MINAR2: variants seen among roughly 807,000 people sequenced by gnomAD.
MINAR2 encodes major intrinsically disordered NOTCH2-binding receptor 1-like.
A neutral mutation model predicts 16.1 loss-of-function variants in MINAR2; 21 were observed. That is an observed-to-expected ratio of 1.31 (90% CI 0.93 to 1.88). The LOEUF is 1.88. Ranked by LOEUF, MINAR2 falls within the 40% of genes most tolerant of loss-of-function variation. MINAR2 has a pLI of 0.00. For synonymous variants in MINAR2, 86 were observed against 83.0 expected (o/e 1.04, Z -0.20); for missense variants, 259 against 229.8 (o/e 1.13, Z -0.82).
chr5:129,748,124 A>T lies in MINAR2; in HGVS notation c.-67A>T. ...CAGTCAGAGCATCCTCAGGCACATT[A>T]ATAATGGAGGAGTCTGACAAGAGCA... On this transcript the variant is annotated 5_prime_UTR_variant, in exon 1 of 3. An upstream open reading frame in the 5' UTR loses its in-frame stop. Transcript: ENST00000564719. 4 of 1,425,314 alleles carry T rather than the reference A, an allele frequency of 2.8e-6. No homozygotes were observed. The highest frequency in any genetic ancestry group is 3.8e-6 in the Non-Finnish European group (4 of 1,059,996). 88.3% of individuals were successfully genotyped at this position (1,425,314 alleles called of 1,614,324 possible). A position where few individuals can be genotyped will look rare whatever the true frequency, so the allele number is the denominator to read the frequency against.
chr5:129,763,287 T>C (rs2149547136), intron 2 of MINAR2, among the ~76,000 whole-genome samples: 1 of 152,246 alleles, frequency 6.6e-6, no homozygotes, highest in South Asian at 2.1e-4. Flanking sequence ...AACCATAACT[T>C]TGGTTTTCAT....
Position 129,748,356 on chromosome 5 carries a change from G to T in MINAR2, c.165+1G>T. On this transcript the variant is annotated splice_donor_variant, in intron 1 of 2. Coordinates refer to ENST00000564719, the MANE Select transcript of MINAR2 (RefSeq NM_001257308.2). LOFTEE classifies it high-confidence loss of function. The stretch of plus-strand genomic sequence containing the variant: ...CTGGCAAAACCTTGTCTACTCACAG[G>T]TAAGATCTAGGGGCACAAAAATACG... 3 of 1,534,626 alleles carry T rather than the reference G, an allele frequency of 2.0e-6. No individual in the cohort carries two copies. Among genetic ancestry groups the T allele is most frequent in the Non-Finnish European group, 2.6e-6 (3 of 1,146,342 alleles).
Position 129,760,444 on chromosome 5 carries a change from G to A in MINAR2, c.232G>A (p.Asp78Asn). Residue 78 changes from aspartate to asparagine, a missense_variant, in exon 2 of 3, where the codon GAT becomes AAT. By Grantham distance (23) the Asp-to-Asn change is conservative. Transcript: ENST00000564719. ...CAGTGCAGACAGCCTTGTCACTGCT[G>A]ATAGCCCCCCACCATCCATGTCATC... The part of the protein sequence containing the change: ...GSSADSLVTA[D>N]SPPPSMSSVM... 1 of 1,535,770 alleles carries A rather than the reference G, an allele frequency of 6.5e-7. No individual in the cohort carries two copies. The highest frequency in any genetic ancestry group is 2.4e-5 in the East Asian group (1 of 40,912).
intron 1 of MINAR2, among the ~76,000 whole-genome samples, chr5:129,755,496 C>T (rs570980563): frequency 2.7e-5 from 4 of 150,718 alleles, no homozygotes; most frequent in African/African-American, 4.9e-5. Context: ...ACTATTGATT[C>T]GACTAGTCAA....
chr5:129,764,192 G>T (rs1758176670), intron 2 of MINAR2, among the ~76,000 whole-genome samples: 3 of 152,162 alleles, frequency 2.0e-5, no homozygotes, highest in Admixed American at 2.0e-4. Context: ...AAGGAAAGAT[G>T]AAGTCTGTGA....
At chr5:129,764,370 T>C (rs1019898596) in intron 2 of MINAR2, among the ~76,000 whole-genome samples, 1 of 152,164 alleles carries the variant, frequency 6.6e-6, no homozygotes, top group African/African-American at 2.4e-5. Context: ...CTTTTAGCCC[T>C]ACTACTTCCA....
rs149560930 is a variant in MINAR2 at position 129,756,028 on chromosome 5, G to C, written c.166-4350G>C. 6.3e-4 allele frequency among the ~76,000 whole-genome samples: 96 copies of C among 151,880 alleles called. 1 individual carries two copies. In the East Asian group the frequency reaches 9.1e-3, roughly 14 times the overall value. On this transcript the variant is annotated intron_variant, in intron 1 of 2. Coordinates refer to ENST00000564719, the MANE Select transcript of MINAR2 (RefSeq NM_001257308.2). ...ATGTAGCATTTCTCACTTTCATTCT[G>C]TCCTAAATTTTAAAATGTTTATTAT...
At chr5:129,749,834 T>G (rs1321217913) in intron 1 of MINAR2, among the ~76,000 whole-genome samples, 2 of 152,200 alleles carry the variant, frequency 1.3e-5, no homozygotes, top group Non-Finnish European at 2.9e-5. Context: ...ATGTTGTTCC[T>G]AAACCTAAAT....
At chr5:129,761,303 C>A (rs1479044594) in intron 2 of MINAR2, among the ~76,000 whole-genome samples, 1 of 152,142 alleles carries the variant, frequency 6.6e-6, no homozygotes, top group Non-Finnish European at 1.5e-5. Flanking sequence ...GGATTCCTAC[C>A]CAGCCTTGGC....
intron 1 of MINAR2, among the ~76,000 whole-genome samples, chr5:129,753,821 A>T (rs963542039): frequency 6.9e-6 from 1 of 143,948 alleles, no homozygotes; most frequent in African/African-American, 2.6e-5. Flanking sequence ...AAGGAAGGAG[A>T]AGAAGAAAAA....
At chr5:129,761,653 CT>C (rs899392476) in intron 2 of MINAR2, among the ~76,000 whole-genome samples, 53 of 152,030 alleles carry the variant, frequency 3.5e-4, no homozygotes, top group Non-Finnish European at 7.1e-4. Context: ...CTTTTTCCTT[CT>C]TTCTTTAAAT....
At chr5:129,755,608 C>T (rs1162581898) in intron 1 of MINAR2, among the ~76,000 whole-genome samples, 4 of 151,918 alleles carry the variant, frequency 2.6e-5, no homozygotes, top group Admixed American at 2.0e-4. Context: ...TGTTTTAAGT[C>T]GCTCAGATTA....
chr5:129,764,573 G>T (rs185362290), intron 2 of MINAR2, among the ~76,000 whole-genome samples: 2 of 152,186 alleles, frequency 1.3e-5, no homozygotes, highest in Non-Finnish European at 1.5e-5. Flanking sequence ...TAGAAACACC[G>T]TTGTGTTTCT....
intron 1 of MINAR2, among the ~76,000 whole-genome samples, chr5:129,753,768 AGAGT>A (rs879340636): frequency 6.6e-6 from 1 of 150,998 alleles, no homozygotes; most frequent in Admixed American, 6.7e-5. Context: ...AGAGAGAGAG[AGAGT>A]GAGAGCGTCA....
At chr5:129,755,110 T>G (rs1758038698) in intron 1 of MINAR2, among the ~76,000 whole-genome samples, 1 of 152,028 alleles carries the variant, frequency 6.6e-6, no homozygotes, top group Non-Finnish European at 1.5e-5. Context: ...AAATTTAATG[T>G]TTTTTTCCTG....
At chr5:129,758,693 T>G (rs577744430) in intron 1 of MINAR2, among the ~76,000 whole-genome samples, 11 of 152,014 alleles carry the variant, frequency 7.2e-5, no homozygotes, top group Admixed American at 2.0e-4. Context: ...AATTTGTCAG[T>G]GTCAGGAGAA....
intron 1 of MINAR2, among the ~76,000 whole-genome samples, chr5:129,749,623 CTTA>C (rs1757962684): frequency 3.3e-5 from 5 of 152,036 alleles, no homozygotes; most frequent in Non-Finnish European, 1.5e-5. Context: ...CTTTTTCCTC[CTTA>C]TTGTTTATAT....
intron 1 of MINAR2, among the ~76,000 whole-genome samples, chr5:129,756,942 A>G (rs1451691110): frequency 7.0e-4 from 103 of 147,986 alleles, no homozygotes; most frequent in African/African-American, 2.4e-3. Flanking sequence ...AGTAAAAAAA[A>G]AAAAAAAAAA....
intron 2 of MINAR2, among the ~76,000 whole-genome samples, chr5:129,762,274 A>G (rs751528253): frequency 1.3e-5 from 2 of 152,240 alleles, no homozygotes; most frequent in Non-Finnish European, 2.9e-5. Context: ...TTCACAAAAA[A>G]AGAAACCAAA....
Sources: gnomAD v4.1 joint callset for allele counts (sites outside exome capture counted in the v4.1 genomes callset) on GRCh38, gnomAD v4.1.1 for gene constraint, MANE v1.5 for transcripts, NCBI Gene and HGNC (gene_info 2026-07-23, HGNC 2026-07-21) for gene names.